SCMH1: variants seen among roughly 807,000 people sequenced by gnomAD.
SCMH1 encodes the protein polycomb protein SCMH1.
SCMH1 carries 37 observed loss-of-function variants against 70.8 expected under a neutral mutation model. That is an observed-to-expected ratio of 0.52 (90% CI 0.40 to 0.69). The LOEUF is 0.69. Ranked by LOEUF, SCMH1 falls within the 30% of genes least tolerant of loss-of-function variation. SCMH1 has a pLI of 0.00. For synonymous variants in SCMH1, 292 were observed against 307.4 expected (o/e 0.95, Z 0.52); for missense variants, 607 against 827.3 (o/e 0.73, Z 3.27).
At chr1:41,191,037 GCTAA>G (rs1353051763) in intron 1 of SCMH1, among the ~76,000 whole-genome samples, 4 of 152,118 alleles carry the variant, frequency 2.6e-5, no homozygotes, top group South Asian at 4.2e-4. Flanking sequence ...AATGCGCCTG[GCTAA>G]CTTTTTTATT....
intron 8 of SCMH1, among the ~76,000 whole-genome samples, chr1:41,107,023 T>C (rs1429727746): frequency 6.6e-6 from 1 of 151,808 alleles, no homozygotes; most frequent in Non-Finnish European, 1.5e-5. Context: ...ATACTTTTTT[T>C]TTTTTTTAAC....
At chr1:41,126,978 G>A (rs994190819) in intron 6 of SCMH1, among the ~76,000 whole-genome samples, 1 of 151,962 alleles carries the variant, frequency 6.6e-6, no homozygotes, top group African/African-American at 2.4e-5. Context: ...GTACCATTCT[G>A]CATGTCCCCA....
intron 8 of SCMH1, among the ~76,000 whole-genome samples, chr1:41,105,104 C>T (rs1667571795): frequency 6.6e-6 from 1 of 151,848 alleles, no homozygotes; most frequent in Non-Finnish European, 1.5e-5. Context: ...TACAGATGCC[C>T]ACCATCATGC....
intron 2 of SCMH1, among the ~76,000 whole-genome samples, chr1:41,163,270 T>A (rs917910492): frequency 6.6e-6 from 1 of 152,186 alleles, no homozygotes; most frequent in Non-Finnish European, 1.5e-5. Context: ...AGCTGGTGTG[T>A]CTGACTGCGC....
At chr1:41,120,859 A>G (rs978108446) in intron 6 of SCMH1, among the ~76,000 whole-genome samples, 3 of 152,186 alleles carry the variant, frequency 2.0e-5, no homozygotes, top group Non-Finnish European at 4.4e-5. Flanking sequence ...GTTCTCTTTT[A>G]TTACACTATG....
chr1:41,038,966 C>T (rs895952156), intron 12 of SCMH1, among the ~76,000 whole-genome samples: 2 of 152,224 alleles, frequency 1.3e-5, no homozygotes, highest in African/African-American at 4.8e-5. Context: ...CATCCCCTAT[C>T]ATGCTGAGAA....
chr1:41,113,619 T>G lies in SCMH1; in HGVS notation c.502-93A>C, dbSNP rs1204042040. 5 of 1,393,924 alleles carry G rather than the reference T, an allele frequency of 3.6e-6. No individual in the cohort carries two copies. Among genetic ancestry groups the G allele is most frequent in the Admixed American group, 4.8e-5 (2 of 41,388 alleles). 86.3% of individuals were successfully genotyped at this position (1,393,924 alleles called of 1,614,324 possible). A position where few individuals can be genotyped will look rare whatever the true frequency, so the allele number is the denominator to read the frequency against. On this transcript the variant is annotated intron_variant, in intron 7 of 14. Transcript: ENST00000337495. The surrounding 1 kb of genome is among the most constrained non-coding windows in gnomAD (Gnocchi z 4.3). Reference sequence around the variant, plus strand: ...CTAATTTGGATGATTAAAAAGTGACTGCTACATGAGACTTATAATGGATAT... The same window carrying G: ...CTAATTTGGATGATTAAAAAGTGACGGCTACATGAGACTTATAATGGATAT...
intron 2 of SCMH1, among the ~76,000 whole-genome samples, chr1:41,182,752 GAACTT>G (rs1415253644): frequency 6.6e-6 from 1 of 151,922 alleles, no homozygotes; most frequent in African/African-American, 2.4e-5. Context: ...AATGAAAAAG[GAACTT>G]CTAGGAAGAA....
chr1:41,166,695 T>A (rs1432585567), intron 2 of SCMH1, among the ~76,000 whole-genome samples: 2 of 152,164 alleles, frequency 1.3e-5, no homozygotes, highest in Non-Finnish European at 2.9e-5. Context: ...AAGTTGATTT[T>A]GTATCCTGCA....
intron 1 of SCMH1, among the ~76,000 whole-genome samples, chr1:41,239,666 G>A (rs530420408): frequency 1.2e-4 from 18 of 152,126 alleles, no homozygotes; most frequent in South Asian, 4.2e-4. Flanking sequence ...TAAAAGATGG[G>A]GTCTCATTCT....
chr1:41,057,248 TTTG>T (rs1056886915), intron 10 of SCMH1, among the ~76,000 whole-genome samples: 7 of 152,026 alleles, frequency 4.6e-5, no homozygotes, highest in Non-Finnish European at 5.9e-5. Flanking sequence ...CCATGTTTTT[TTTG>T]TTGTTGTTTT....
intron 1 of SCMH1, among the ~76,000 whole-genome samples, chr1:41,233,743 GCTGA>G (rs1216971467): frequency 1.3e-5 from 2 of 152,072 alleles, no homozygotes; most frequent in Non-Finnish European, 2.9e-5. Flanking sequence ...CTTTCACACT[GCTGA>G]CTATTCCTTT....
At chr1:41,183,832 A>G (rs1649458984) in intron 2 of SCMH1, among the ~76,000 whole-genome samples, 1 of 152,146 alleles carries the variant, frequency 6.6e-6, no homozygotes, top group African/African-American at 2.4e-5. Flanking sequence ...AATAACTGAA[A>G]ACAGATCATT....
intron 2 of SCMH1, among the ~76,000 whole-genome samples, chr1:41,184,937 G>A (rs1407165886): frequency 1.3e-5 from 2 of 152,140 alleles, no homozygotes; most frequent in Non-Finnish European, 2.9e-5. Context: ...TTGATCACAT[G>A]TATATCTTAA....
At chr1:41,205,234 C>T (rs61779270) in intron 1 of SCMH1, among the ~76,000 whole-genome samples, 22,803 of 152,210 alleles carry the variant, frequency 0.15, 2,221 homozygotes, top group Non-Finnish European at 0.21. Context: ...CGAAGCATGA[C>T]GGGGCATCAC....
At chr1:41,217,481 CAGGGCCAGGGCAAGGGTATAGCAT>C (rs1233574181) in intron 1 of SCMH1, among the ~76,000 whole-genome samples, 1 of 152,186 alleles carries the variant, frequency 6.6e-6, no homozygotes, top group Non-Finnish European at 1.5e-5. Context: ...GCTCTGGAAA[CAGGGCCAGGGCAAGGGTATAGCAT>C]TTGCATGTGA....
At chr1:41,215,043 A>AT (rs992956510) in intron 1 of SCMH1, among the ~76,000 whole-genome samples, 1 of 152,154 alleles carries the variant, frequency 6.6e-6, no homozygotes, top group Non-Finnish European at 1.5e-5. Flanking sequence ...TGTGTATGTT[A>AT]TTTTTTGTGA....
chr1:41,209,942 T>C (rs1293345862), intron 1 of SCMH1, among the ~76,000 whole-genome samples: 1 of 152,238 alleles, frequency 6.6e-6, no homozygotes, highest in Non-Finnish European at 1.5e-5. Flanking sequence ...GCAGATGACA[T>C]GATTGCATAT....
At chr1:41,028,747 T>G (rs1447246955) in intron 13 of SCMH1, 21 bp from the exon 15 acceptor site, 1 of 1,612,862 alleles carries the variant, frequency 6.2e-7, no homozygotes, top group Non-Finnish European at 8.5e-7. Context: ...GGAGGGCACC[T>G]ACCATAAAGG....
Sources: allele counts gnomAD v4.1 joint callset (sites outside exome capture counted in the v4.1 genomes callset), GRCh38; gene constraint gnomAD v4.1.1; non-coding constraint Gnocchi (gnomAD v3.1); transcripts MANE v1.5; gene names NCBI Gene and HGNC (gene_info 2026-07-23, HGNC 2026-07-21).